The following MYO5A variants were observed in gnomAD, a reference collection of about 807,000 sequenced individuals.
MYO5A encodes the protein unconventional myosin-Va.
Under a neutral mutation model 249.7 loss-of-function variants are expected in MYO5A, and 98 were observed. That is an observed-to-expected ratio of 0.39 (90% CI 0.33 to 0.46). The LOEUF (loss-of-function observed/expected upper bound fraction) is 0.46. Among genes scored for constraint, MYO5A ranks in the 20% least tolerant of loss-of-function variants. The pLI, the probability that MYO5A is intolerant of heterozygous loss-of-function variation, is 0.98. For missense variants in MYO5A, 1,696 were observed against 2,308.8 expected (o/e 0.73, Z 5.44); for synonymous variants, 778 against 810.6 (o/e 0.96, Z 0.68).
chr15:52,520,393 G>A (rs182381221), intron 1 of MYO5A, among the ~76,000 whole-genome samples: 157 of 152,246 alleles, frequency 1.0e-3, no homozygotes, highest in African/African-American at 3.8e-3. Context: ...CACATGACCA[G>A]AATTCCTCTA....
In MYO5A at chr15:52,376,553, C is replaced by T. The variant is rs1307697197; in HGVS notation, c.2214G>A (p.Lys738=). 6.2e-7 allele frequency: 1 copy of T among 1,613,868 alleles called. No individual in the cohort carries two copies. The highest frequency in any genetic ancestry group is 1.1e-5 in the South Asian group (1 of 91,070). ...KNVLEKLILD[K]DKYQFGKTKI... ...TTGTCTTACCAAACTGGTATTTGTC[C>T]TTGTCCTATTTTTGGAAGAAATTGT... The change falls in exon 19 of 42, where the codon AAG becomes AAA. Residue 738 remains lysine, a synonymous_variant. Coordinates refer to ENST00000399233, the MANE Select transcript of MYO5A (RefSeq NM_001382347.1).
intron 1 of MYO5A, among the ~76,000 whole-genome samples, chr15:52,526,665 A>T (rs1273330177): frequency 1.3e-5 from 2 of 152,066 alleles, no homozygotes; most frequent in African/African-American, 4.8e-5. Context: ...CTAACTTTTT[A>T]ATTTTTTTGT....
At chr15:52,362,320 T>G (rs2040573782) in intron 24 of MYO5A, among the ~76,000 whole-genome samples, 1 of 152,218 alleles carries the variant, frequency 6.6e-6, no homozygotes, top group African/African-American at 2.4e-5. Context: ...ATTGAAGCAG[T>G]GAGAGTGTCA....
chr15:52,505,375 G>A (rs552331157), intron 1 of MYO5A: 9 of 783,432 alleles, frequency 1.1e-5, no homozygotes, highest in Admixed American at 3.4e-5. Flanking sequence ...CAAGTCTTAC[G>A]AAAAGGAAAA....
At chr15:52,507,803 C>CAAAAGAAAA (rs146846192) in intron 1 of MYO5A, among the ~76,000 whole-genome samples, 1 of 127,164 alleles carries the variant, frequency 7.9e-6, no homozygotes, top group African/African-American at 3.2e-5. Flanking sequence ...GACCCTGTCC[C>CAAAAGAAAA]CAAAAAAAAA....
chr15:52,408,179 T>C (rs532523417), intron 6 of MYO5A, 39 bp from the exon 7 acceptor site: 6 of 1,199,328 alleles, frequency 5.0e-6, no homozygotes, highest in African/African-American at 4.5e-5. Context: ...AGCATTTTAA[T>C]CTAAAATTCA....
intron 34 of MYO5A, among the ~76,000 whole-genome samples, chr15:52,335,751 A>G (rs73408452): frequency 0.037 from 5,603 of 152,108 alleles, 347 homozygotes; most frequent in African/African-American, 0.13. Context: ...CTTTATCATC[A>G]TAATTCATAT....
At chr15:52,491,031 C>T (rs1315076276) in intron 1 of MYO5A, among the ~76,000 whole-genome samples, 1 of 152,100 alleles carries the variant, frequency 6.6e-6, no homozygotes, top group Non-Finnish European at 1.5e-5. Context: ...GGTTGTACAA[C>T]AATATGAATG....
intron 40 of MYO5A, among the ~76,000 whole-genome samples, chr15:52,315,741 T>G (rs2037975835): frequency 6.6e-6 from 1 of 151,842 alleles, no homozygotes; most frequent in African/African-American, 2.4e-5. Flanking sequence ...AACCTCCGTC[T>G]CCCAGGTTCC....
rs1181654376 is a variant in MYO5A, at chr15:52,308,217, T to C, written c.*5479A>G. 1 of 152,222 alleles carries C rather than the reference T, an allele frequency of 6.6e-6. No individual in the cohort carries two copies. Among genetic ancestry groups the C allele is most frequent in the Non-Finnish European group, 1.5e-5 (1 of 68,020 alleles). The allele number at this position is 152,222 out of a possible 1,614,324, so 9.4% of individuals were successfully genotyped here. ...AAGTTAAGCTAACGAACATTTTAGATAGACCAAATTACAAATAAAAAAAGT... is the reference window on the plus strand; with the variant it reads ...AAGTTAAGCTAACGAACATTTTAGACAGACCAAATTACAAATAAAAAAAGT... On this transcript the variant is annotated 3_prime_UTR_variant, in exon 42 of 42. Coordinates refer to ENST00000399233, the MANE Select transcript of MYO5A (RefSeq NM_001382347.1).
intron 21 of MYO5A, among the ~76,000 whole-genome samples, chr15:52,370,769 A>G (rs1001343531): frequency 4.6e-5 from 7 of 152,302 alleles, no homozygotes; most frequent in African/African-American, 1.7e-4. Context: ...AATGTTGCTA[A>G]AAACCATTTA....
At chr15:52,329,898 C>A in intron 35 of MYO5A, among the ~76,000 whole-genome samples, 1 of 103,986 alleles carries the variant, frequency 9.6e-6, no homozygotes. Context: ...ACCACCTCGC[C>A]TGGGTAATTT....
intron 11 of MYO5A, among the ~76,000 whole-genome samples, chr15:52,394,788 G>C (rs937394137): frequency 3.3e-5 from 5 of 152,088 alleles, no homozygotes; most frequent in Admixed American, 2.6e-4. Context: ...AGAGTGAAAG[G>C]CTGTGGCATT....
At chr15:52,344,377 T>C (rs937835861) in intron 30 of MYO5A, among the ~76,000 whole-genome samples, 11 of 152,282 alleles carry the variant, frequency 7.2e-5, no homozygotes, top group Admixed American at 7.2e-4. Flanking sequence ...TCACTGTGCA[T>C]TTCCCCACAC....
At chr15:52,340,086 A>C (rs1234225528) in intron 32 of MYO5A, 110 bp downstream of exon 32, 1 of 1,129,722 alleles carries the variant, frequency 8.9e-7, no homozygotes, top group East Asian at 2.5e-5. Context: ...GGTAACAAGT[A>C]CAGAGGGGTG....
chr15:52,433,391 A>T, intron 1 of MYO5A, 106 bp from the exon 2 acceptor site: 1 of 603,660 alleles, frequency 1.7e-6, no homozygotes, highest in Non-Finnish European at 2.9e-6. Flanking sequence ...GAAAAAAGAA[A>T]TCTTGGCCAA....
chr15:52,375,464 G>T lies in MYO5A; in HGVS notation c.2421-4C>A. On this transcript the variant is annotated splice_region_variant and splice_polypyrimidine_tract_variant and intron_variant, in intron 19 of 41. Transcript: ENST00000399233. ...TCTGCGCAGAAACTTAGCATAGCTG[G>T]CCAAAGAAAATAACATTATGTTGTC... 1 of 1,613,920 alleles carries T rather than the reference G, an allele frequency of 6.2e-7. No individual in the cohort carries two copies.
intron 27 of MYO5A, 87 bp from the exon 28 acceptor site, chr15:52,351,568 T>A: frequency 7.4e-7 from 1 of 1,344,122 alleles, no homozygotes; most frequent in Non-Finnish European, 1.1e-6. Flanking sequence ...GGTAGAAGAA[T>A]TCTGCTGAAA....
chr15:52,356,452 A>G (rs1342814292), intron 25 of MYO5A, among the ~76,000 whole-genome samples: 4 of 152,062 alleles, frequency 2.6e-5, no homozygotes, highest in African/African-American at 7.2e-5. Context: ...ATAATTTTAT[A>G]TGGTCTTTTA....
Sources: gnomAD v4.1 joint callset for allele counts (sites outside exome capture counted in the v4.1 genomes callset) on GRCh38, gnomAD v4.1.1 for gene constraint, MANE v1.5 for transcripts, NCBI Gene and HGNC (gene_info 2026-07-23, HGNC 2026-07-21) for gene names.